The following ZNF423 variants were observed in gnomAD, a reference collection of about 807,000 sequenced individuals.
ZNF423 encodes Ebf-associated zinc finger protein.
Under a neutral mutation model 95.8 loss-of-function variants are expected in ZNF423, and 12 were observed. The ratio of observed to expected loss-of-function variants is 0.13; its 90% confidence interval spans 0.08 to 0.20. The LOEUF is 0.20. Ranked by LOEUF, ZNF423 falls within the 10% of genes least tolerant of loss-of-function variation. ZNF423 has a pLI of 1.00. For missense variants in ZNF423, 1,316 were observed against 1,737.1 expected, an observed-to-expected ratio of 0.76 and a Z score of 4.31; for synonymous variants, 749 against 711.9, an observed-to-expected ratio of 1.05 and a Z score of -0.83.
intron 3 of ZNF423, among the ~76,000 whole-genome samples, chr16:49,706,333 A>G (rs1335706469): frequency 6.6e-6 from 1 of 152,214 alleles, no homozygotes; most frequent in African/African-American, 2.4e-5. Flanking sequence ...AAAAGGATAG[A>G]GCCTTCAAGT....
chr16:49,578,666 C>A (rs962935901), intron 5 of ZNF423, among the ~76,000 whole-genome samples: 1 of 152,198 alleles, frequency 6.6e-6, no homozygotes, highest in African/African-American at 2.4e-5. Flanking sequence ...CCTGGTGCCA[C>A]GGAGCAGGGC....
chr16:49,668,520 G>A (rs1241738884), intron 3 of ZNF423, among the ~76,000 whole-genome samples: 2 of 152,242 alleles, frequency 1.3e-5, no homozygotes, highest in African/African-American at 4.8e-5. Context: ...CACTGGGCTA[G>A]TGGTAGCTGT....
intron 5 of ZNF423, among the ~76,000 whole-genome samples, chr16:49,624,161 T>G (rs1972176872): frequency 1.3e-5 from 2 of 152,036 alleles, no homozygotes; most frequent in African/African-American, 4.8e-5. Context: ...GAATATAGTA[T>G]ATAACAGTAT....
At chr16:49,576,830 C>A (rs182096688) in intron 5 of ZNF423, among the ~76,000 whole-genome samples, 2 of 152,282 alleles carry the variant, frequency 1.3e-5, no homozygotes, top group East Asian at 3.9e-4. Flanking sequence ...GGAATAGATG[C>A]GCATATATTC....
chr16:49,748,556 G>A (rs959013831), intron 2 of ZNF423, among the ~76,000 whole-genome samples: 3 of 152,172 alleles, frequency 2.0e-5, no homozygotes, highest in Admixed American at 6.5e-5. Context: ...AACTCTCTCC[G>A]TAGGAGAACA....
In ZNF423 at chr16:49,638,706, C is replaced by A. The variant is rs766243231; in HGVS notation, c.470G>T (p.Arg157Leu). The A allele has an allele frequency of 3.7e-6, 6 of 1,614,018 alleles. No individual in the cohort carries two copies. The highest frequency in any genetic ancestry group is 1.1e-5 in the South Asian group (1 of 91,076). The change falls in exon 4 of 8, where the codon CGC becomes CTC. Residue 157 changes from arginine to leucine, a missense_variant. Arg to Leu is a moderately radical substitution (Grantham distance 102, BLOSUM62 -2). Transcript: ENST00000563137. This position sits in a 1 kb window ranked among gnomAD's most constrained non-coding sequence, Gnocchi z 5.6. ...PCQFCDKSFI[R>L]LSYLKRHEQI... The stretch of plus-strand genomic sequence containing the variant: ...CTCGTGCCTCTTCAAGTAGCTCAAG[C>A]GGATGAAGGACTTGTCGCAGAACTG...
intron 2 of ZNF423, among the ~76,000 whole-genome samples, chr16:49,772,334 C>T (rs1267509902): frequency 6.6e-6 from 1 of 152,218 alleles, no homozygotes; most frequent in Admixed American, 6.5e-5. Flanking sequence ...CGGTGAGAGC[C>T]GTCTGCTTTA....
rs181606048 is a variant in ZNF423 at position 49,619,090 on chromosome 16, C to A, written c.3601+7080G>T. Among the ~76,000 whole-genome samples the A allele has an allele frequency of 3.0e-3, 450 of 152,244 alleles. 4 individuals are homozygous for A. Among genetic ancestry groups the A allele is most frequent in the Admixed American group, 8.6e-3 (132 of 15,282 alleles). On this transcript the variant is annotated intron_variant, in intron 5 of 7. Transcript: ENST00000563137. ...TAGTTTCTTTGCCTGGAATTCCCCTCCCACCTTACTTCTTATACTCTGAGA... is the reference window on the plus strand; with the variant it reads ...TAGTTTCTTTGCCTGGAATTCCCCTACCACCTTACTTCTTATACTCTGAGA...
chr16:49,698,824 C>T (rs1217130271), intron 3 of ZNF423, among the ~76,000 whole-genome samples: 1 of 152,234 alleles, frequency 6.6e-6, no homozygotes, highest in African/African-American at 2.4e-5. Flanking sequence ...AAACTCCAAC[C>T]TTCTGAAGAG....
At chr16:49,822,624 C>T (rs746992952) in intron 1 of ZNF423, 1 of 1,514,430 alleles carries the variant, frequency 6.6e-7, no homozygotes, top group Non-Finnish European at 9.0e-7. Context: ...TTCTGTCTGC[C>T]TACTTCCCTT....
intron 1 of ZNF423, among the ~76,000 whole-genome samples, chr16:49,811,433 C>A (rs1365183441): frequency 6.6e-6 from 1 of 152,254 alleles, no homozygotes; most frequent in Non-Finnish European, 1.5e-5. Flanking sequence ...TACCCCCAAC[C>A]CAGCCCACGC....
At chr16:49,566,476 C>G (rs1408362304) in intron 5 of ZNF423, among the ~76,000 whole-genome samples, 1 of 152,150 alleles carries the variant, frequency 6.6e-6, no homozygotes, top group Non-Finnish European at 1.5e-5. Context: ...ATGAAAGACT[C>G]CATGGCCCAA....
intron 2 of ZNF423, among the ~76,000 whole-genome samples, chr16:49,779,816 A>G (rs1240729030): frequency 1.3e-5 from 2 of 152,158 alleles, no homozygotes; most frequent in Non-Finnish European, 2.9e-5. Flanking sequence ...CCAGCTTTGG[A>G]GAAAGTAGGA....
At chr16:49,493,549 C>T (rs909879372) in intron 7 of ZNF423, among the ~76,000 whole-genome samples, 7 of 152,138 alleles carry the variant, frequency 4.6e-5, no homozygotes, top group African/African-American at 1.7e-4. Flanking sequence ...AAAACCCCTG[C>T]TATCTTGGTG....
chr16:49,611,647 GA>G (rs1296207080), intron 5 of ZNF423, among the ~76,000 whole-genome samples: 2 of 151,826 alleles, frequency 1.3e-5, no homozygotes, highest in East Asian at 3.8e-4. Flanking sequence ...GAAAAGATCA[GA>G]AACCCTGAAA....
At chr16:49,542,856 G>C (rs1969301963) in intron 5 of ZNF423, among the ~76,000 whole-genome samples, 1 of 152,198 alleles carries the variant, frequency 6.6e-6, no homozygotes, top group Non-Finnish European at 1.5e-5. Flanking sequence ...AACGAGAAAG[G>C]CAAGAGGAGC....
chr16:49,737,798 GA>G (rs2033323223), intron 2 of ZNF423, among the ~76,000 whole-genome samples: 1 of 152,248 alleles, frequency 6.6e-6, no homozygotes, highest in African/African-American at 2.4e-5. Flanking sequence ...GGGCCAGCTA[GA>G]AAAGGGTCAG....
intron 1 of ZNF423, among the ~76,000 whole-genome samples, chr16:49,815,707 T>G (rs2034825567): frequency 1.3e-5 from 2 of 151,264 alleles, no homozygotes; most frequent in Non-Finnish European, 2.9e-5. Flanking sequence ...GAGTCATAGG[T>G]ACGAGGAACA....
At chr16:49,604,971 A>C (rs1198977344) in intron 5 of ZNF423, among the ~76,000 whole-genome samples, 2 of 152,178 alleles carry the variant, frequency 1.3e-5, no homozygotes, top group African/African-American at 2.4e-5. Context: ...GGAAAGGGGG[A>C]AATGTATTAC....
Sources: gnomAD v4.1 joint callset for allele counts (sites outside exome capture counted in the v4.1 genomes callset) on GRCh38, gnomAD v4.1.1 for gene constraint, Gnocchi (gnomAD v3.1) non-coding constraint, MANE v1.5 for transcripts, NCBI Gene and HGNC (gene_info 2026-07-23, HGNC 2026-07-21) for gene names.